Variants in NLGN1 observed in about 807,000 individuals in gnomAD.
The protein encoded by NLGN1 is neuroligin 1.
A neutral mutation model predicts 65.5 loss-of-function variants in NLGN1; 12 were observed. The ratio of observed to expected loss-of-function variants is 0.18; its 90% CI spans 0.12 to 0.30. The LOEUF is 0.30. Ranked by LOEUF, NLGN1 falls within the 10% of genes least tolerant of loss-of-function variation. The pLI, the probability that NLGN1 is intolerant of heterozygous loss-of-function variation, is 1.00. For missense variants in NLGN1, 750 were observed against 1,007.1 expected (o/e 0.74, Z 3.46); for synonymous variants, 350 against 359.5 (o/e 0.97, Z 0.30).
chr3:173,427,362 G>T (rs1716296641), intron 1 of NLGN1, among the ~76,000 whole-genome samples: 1 of 151,626 alleles, frequency 6.6e-6, no homozygotes, highest in South Asian at 2.1e-4. Flanking sequence ...TTTCAGTTTG[G>T]ATTGTTCATG....
intron 4 of NLGN1, among the ~76,000 whole-genome samples, chr3:173,995,832 G>A (rs1363330766): frequency 6.6e-6 from 1 of 151,568 alleles, no homozygotes; most frequent in African/African-American, 2.4e-5. Context: ...GACTCCCGGT[G>A]CACATACCAT....
intron 4 of NLGN1, among the ~76,000 whole-genome samples, chr3:174,182,625 G>GA (rs1730657784): frequency 6.6e-6 from 1 of 152,046 alleles, no homozygotes; most frequent in Non-Finnish European, 1.5e-5. Flanking sequence ...TCCTTTGAGT[G>GA]AAAAAATATT....
At chr3:173,866,840 CTT>C (rs1730274723) in intron 4 of NLGN1, among the ~76,000 whole-genome samples, 1 of 152,084 alleles carries the variant, frequency 6.6e-6, no homozygotes, top group African/African-American at 2.4e-5. Flanking sequence ...AATGGTCATC[CTT>C]TTGTCATTAG....
chr3:173,906,723 C>A (rs1218771922), intron 4 of NLGN1, among the ~76,000 whole-genome samples: 1 of 151,842 alleles, frequency 6.6e-6, no homozygotes, highest in Non-Finnish European at 1.5e-5. Context: ...ATAGTAGGTG[C>A]ACCCGTAATT....
intron 2 of NLGN1, among the ~76,000 whole-genome samples, chr3:173,518,166 C>T (rs1269738559): frequency 1.3e-5 from 2 of 152,132 alleles, no homozygotes; most frequent in East Asian, 3.8e-4. Context: ...TGTTACCAGA[C>T]AAATTTCTTT....
At chr3:173,861,646 TAAA>T (rs1729131041) in intron 4 of NLGN1, among the ~76,000 whole-genome samples, 1 of 151,150 alleles carries the variant, frequency 6.6e-6, no homozygotes, top group South Asian at 2.1e-4. Context: ...CAAATAATAA[TAAA>T]AATAAAAATG....
chr3:173,709,579 A>T (rs35816547), intron 3 of NLGN1, among the ~76,000 whole-genome samples: 30,013 of 151,914 alleles, frequency 0.2, 3,131 homozygotes, highest in Admixed American at 0.24. Flanking sequence ...AGACAGGTGG[A>T]TCACTTGAGG....
At chr3:173,659,261 C>T (rs1560120088) in intron 3 of NLGN1, among the ~76,000 whole-genome samples, 1 of 151,976 alleles carries the variant, frequency 6.6e-6, no homozygotes, top group African/African-American at 2.4e-5. Context: ...CTCATTCTTA[C>T]ATTATACTCA....
intron 4 of NLGN1, among the ~76,000 whole-genome samples, chr3:174,143,518 G>A (rs1183699745): frequency 6.6e-6 from 1 of 152,130 alleles, no homozygotes; most frequent in Non-Finnish European, 1.5e-5. Context: ...TGCATAGCCT[G>A]AGCAGCAGTT....
chr3:174,034,376 T>TA (rs1162474560), intron 4 of NLGN1, among the ~76,000 whole-genome samples: 1 of 151,970 alleles, frequency 6.6e-6, no homozygotes, highest in African/African-American at 2.4e-5. Context: ...GGATCTACAT[T>TA]AAAAAAGAGC....
At chr3:173,930,232 A>C (rs1360826792) in intron 4 of NLGN1, among the ~76,000 whole-genome samples, 1 of 152,228 alleles carries the variant, frequency 6.6e-6, no homozygotes, top group Non-Finnish European at 1.5e-5. Context: ...TGTAAATCGC[A>C]TATTATTCCA....
At chr3:173,661,545 C>T (rs900328845) in intron 3 of NLGN1, among the ~76,000 whole-genome samples, 1 of 151,936 alleles carries the variant, frequency 6.6e-6, no homozygotes, top group African/African-American at 2.4e-5. Flanking sequence ...AATAATTCCC[C>T]TTAGGATACT....
chr3:174,097,427 A>G (rs1745744056), intron 4 of NLGN1, among the ~76,000 whole-genome samples: 1 of 152,184 alleles, frequency 6.6e-6, no homozygotes, highest in African/African-American at 2.4e-5. Context: ...GTCAAAGGGA[A>G]TATTCATGGC....
chr3:174,271,265 A>T (rs1243306736), intron 4 of NLGN1, among the ~76,000 whole-genome samples: 3 of 151,252 alleles, frequency 2.0e-5, no homozygotes, highest in African/African-American at 7.3e-5. Flanking sequence ...TAAATTTCTG[A>T]CATTCTAGAT....
chr3:173,523,741 C>CT (rs1360034295), intron 2 of NLGN1, among the ~76,000 whole-genome samples: 2 of 151,358 alleles, frequency 1.3e-5, no homozygotes, highest in Non-Finnish European at 3.0e-5. Context: ...TATTTAGGCT[C>CT]TTTTTTGATT....
chr3:173,911,170 A>C (rs1264318665), intron 4 of NLGN1, among the ~76,000 whole-genome samples: 1 of 152,170 alleles, frequency 6.6e-6, no homozygotes, highest in South Asian at 2.1e-4. Flanking sequence ...AAACAATAAA[A>C]ATGTACTAAT....
chr3:173,991,825 T>C (rs1398700077), intron 4 of NLGN1, among the ~76,000 whole-genome samples: 1 of 152,130 alleles, frequency 6.6e-6, no homozygotes, highest in African/African-American at 2.4e-5. Context: ...TTTGTTTGTT[T>C]GTTTTTTGAC....
At chr3:173,515,571 G>A (rs192232482) in intron 2 of NLGN1, among the ~76,000 whole-genome samples, 79 of 152,096 alleles carry the variant, frequency 5.2e-4, no homozygotes, top group Non-Finnish European at 7.5e-4. Context: ...TAAAACCAAC[G>A]TCATGAAGTT....
intron 4 of NLGN1, among the ~76,000 whole-genome samples, chr3:174,003,291 G>T (rs1723675046): frequency 6.6e-6 from 1 of 152,018 alleles, no homozygotes; most frequent in Non-Finnish European, 1.5e-5. Context: ...TGATATATTT[G>T]GCAGGCATTA....
Sources: allele counts gnomAD v4.1 joint callset (sites outside exome capture counted in the v4.1 genomes callset), GRCh38; gene constraint gnomAD v4.1.1; transcripts MANE v1.5; gene names NCBI Gene and HGNC (gene_info 2026-07-23, HGNC 2026-07-21).